The following HCRTR2 variants were observed in gnomAD, a reference collection of about 807,000 sequenced individuals.
HCRTR2 encodes the protein orexin receptor type 2.
A neutral mutation model predicts 49.0 loss-of-function variants in HCRTR2; 22 were observed. The ratio of observed to expected loss-of-function variants is 0.45; its 90% confidence interval spans 0.32 to 0.64. The LOEUF is 0.64. HCRTR2 is among the 30% of genes least tolerant of loss of function. The pLI, the probability that HCRTR2 is intolerant of heterozygous loss-of-function variation, is 0.04. For synonymous variants in HCRTR2, 236 were observed against 205.3 expected (o/e 1.15, Z -1.28); for missense variants, 491 against 559.4 (o/e 0.88, Z 1.23).
chr6:55,278,751 TA>T, intron 5 of HCRTR2, among the ~76,000 whole-genome samples: 1 of 146,672 alleles, frequency 6.8e-6, no homozygotes, highest in East Asian at 2.1e-4. Context: ...TTATTATTAT[TA>T]TTATTTTTGC....
At chr6:55,175,362 C>A (rs186376273) in intron 1 of HCRTR2, among the ~76,000 whole-genome samples, 11 of 152,140 alleles carry the variant, frequency 7.2e-5, no homozygotes, top group African/African-American at 2.6e-4. Context: ...GGAGTGGAGA[C>A]GGAGGCAAAG....
chr6:55,122,386 G>T (rs200961064), intron 1 of HCRTR2, among the ~76,000 whole-genome samples: 3 of 151,856 alleles, frequency 2.0e-5, no homozygotes, highest in Non-Finnish European at 4.4e-5. Flanking sequence ...AGCGATCTAT[G>T]AATTTTGTTT....
chr6:55,219,080 C>G (rs1765842707), intron 1 of HCRTR2, among the ~76,000 whole-genome samples: 1 of 152,198 alleles, frequency 6.6e-6, no homozygotes, highest in South Asian at 2.1e-4. Flanking sequence ...CTGGGCCTCC[C>G]AAAGTGCTGG....
At chr6:55,164,347 A>T (rs1210384926) in intron 1 of HCRTR2, among the ~76,000 whole-genome samples, 1 of 152,146 alleles carries the variant, frequency 6.6e-6, no homozygotes, top group East Asian at 1.9e-4. Context: ...TGGCACTATT[A>T]ACAATAGCAA....
intron 1 of HCRTR2, among the ~76,000 whole-genome samples, chr6:55,157,468 A>C (rs575557840): frequency 6.6e-6 from 1 of 152,342 alleles, no homozygotes; most frequent in South Asian, 2.1e-4. Flanking sequence ...TGTTGCCCTG[A>C]AGGGAAGGAC....
At chr6:55,213,150 AG>A (rs1364963916) in intron 1 of HCRTR2, among the ~76,000 whole-genome samples, 1 of 152,160 alleles carries the variant, frequency 6.6e-6, no homozygotes, top group Non-Finnish European at 1.5e-5. Flanking sequence ...AGAAGGAGCT[AG>A]TACAGAAAGC....
chr6:55,197,511 G>A (rs1266463577), intron 1 of HCRTR2, among the ~76,000 whole-genome samples: 1 of 152,068 alleles, frequency 6.6e-6, no homozygotes, highest in East Asian at 1.9e-4. Flanking sequence ...TCAAACCTAT[G>A]TCTAACACGA....
intron 1 of HCRTR2, among the ~76,000 whole-genome samples, chr6:55,166,493 A>C (rs917480973): frequency 6.6e-6 from 1 of 152,032 alleles, no homozygotes; most frequent in Non-Finnish European, 1.5e-5. Context: ...AAACACACAC[A>C]ACGCACACAC....
Position 55,277,427 on chromosome 6 carries a change from G to C in HCRTR2, c.810G>C (p.Gln270His), listed in dbSNP as rs1057026621. ...TTCAGAGAAAATGGAAGCCCCTGCAGCCTGTTTCACAGCCTCGAGGGCCAG... is the reference window on the plus strand; with the variant it reads ...TTCAGAGAAAATGGAAGCCCCTGCACCCTGTTTCACAGCCTCGAGGGCCAG... ...SVVQRKWKPL[Q>H]PVSQPRGPGQ... is the part of the protein sequence containing the mutation. Residue 270 changes from glutamine to histidine, a missense_variant, in exon 5 of 7, where the codon CAG becomes CAC. Gln to His is a conservative substitution (Grantham distance 24). Coordinates refer to ENST00000370862, the MANE Select transcript of HCRTR2 (RefSeq NM_001384272.1). 4 of 1,614,126 alleles carry C rather than the reference G, an allele frequency of 2.5e-6. No homozygotes were observed. The Admixed American group carries it at 6.7e-5, about 27-fold the overall frequency.
chr6:55,239,861 C>G (rs1315493197), intron 1 of HCRTR2, among the ~76,000 whole-genome samples: 1 of 150,750 alleles, frequency 6.6e-6, no homozygotes, highest in Non-Finnish European at 1.5e-5. Flanking sequence ...CACTGCAACC[C>G]CCGCCTCCCG....
chr6:55,234,014 C>T (rs770331376), intron 1 of HCRTR2, among the ~76,000 whole-genome samples: 35 of 152,126 alleles, frequency 2.3e-4, no homozygotes, highest in Non-Finnish European at 4.4e-4. Context: ...GGTGCAAATT[C>T]ATTTAATGTG....
At chr6:55,261,029 T>C (rs139688349) in intron 3 of HCRTR2, among the ~76,000 whole-genome samples, 34 of 152,310 alleles carry the variant, frequency 2.2e-4, no homozygotes, top group Non-Finnish European at 4.4e-4. Context: ...ACAAAGTATG[T>C]AAATTTTAGA....
chr6:55,201,903 G>A lies in HCRTR2; in HGVS notation c.223+27093G>A, dbSNP rs541020532. Among the ~76,000 whole-genome samples, 159 of 152,196 alleles carry A rather than the reference G, an allele frequency of 1.0e-3. 1 individual carries two copies. The highest frequency in any genetic ancestry group is 3.5e-3 in the African/African-American group (147 of 41,550). ...CTTACATTGCTCAAATTTAATATAC[G>A]ATTGCTGCTTTTGTTGGTTTTGAAA... On this transcript the variant is annotated intron_variant, in intron 1 of 6. Transcript: ENST00000370862.
At chr6:55,117,774 A>G (rs1233123124) in intron 1 of HCRTR2, among the ~76,000 whole-genome samples, 1 of 127,784 alleles carries the variant, frequency 7.8e-6, no homozygotes, top group Non-Finnish European at 1.7e-5. Context: ...TGCCCTTGGG[A>G]TAAAGTCTCA....
chr6:55,249,198 T>G (rs570540365), intron 2 of HCRTR2, among the ~76,000 whole-genome samples: 1 of 152,272 alleles, frequency 6.6e-6, no homozygotes, highest in South Asian at 2.1e-4. Flanking sequence ...ATTAATGATT[T>G]AACCAATTAA....
chr6:55,200,913 T>C (rs1765501939), intron 1 of HCRTR2, among the ~76,000 whole-genome samples: 1 of 152,196 alleles, frequency 6.6e-6, no homozygotes, highest in African/African-American at 2.4e-5. Flanking sequence ...TCTAGTGTTG[T>C]CTTGATTTTG....
intron 3 of HCRTR2, among the ~76,000 whole-genome samples, chr6:55,257,752 T>C (rs572373835): frequency 1.3e-5 from 2 of 151,978 alleles, no homozygotes; most frequent in South Asian, 4.2e-4. Context: ...TTGTTGAATA[T>C]GTAAAAACCT....
intron 1 of HCRTR2, among the ~76,000 whole-genome samples, chr6:55,238,666 A>G (rs938561479): frequency 2.0e-5 from 3 of 152,220 alleles, no homozygotes; most frequent in African/African-American, 7.2e-5. Flanking sequence ...AGATTCTGGT[A>G]TGCAAAGTAG....
chr6:55,245,294 C>G (rs1766410528), intron 1 of HCRTR2, among the ~76,000 whole-genome samples: 1 of 149,402 alleles, frequency 6.7e-6, no homozygotes, highest in African/African-American at 2.5e-5. Context: ...TTATAAATAT[C>G]TTTTTTTCTT....
Sources: allele counts gnomAD v4.1 joint callset (sites outside exome capture counted in the v4.1 genomes callset), GRCh38; gene constraint gnomAD v4.1.1; transcripts MANE v1.5; gene names NCBI Gene and HGNC (gene_info 2026-07-23, HGNC 2026-07-21).